The following FARS2 variants were observed in gnomAD, a reference collection of about 807,000 sequenced individuals.
FARS2 encodes phenylalanyl-tRNA synthetase 2, mitochondrial.
In FARS2, 40 loss-of-function variants were observed where a neutral mutation model predicts 46.4. The observed-to-expected ratio is 0.86, with a 90% CI of 0.67 to 1.12. The LOEUF is 1.12. Among genes scored for constraint, FARS2 ranks in the 50% most tolerant of loss-of-function variants. The pLI is 0.00. For missense variants in FARS2, 513 were observed against 567.9 expected, an observed-to-expected ratio of 0.90 and a Z score of 0.98; for synonymous variants, 234 against 214.9, an observed-to-expected ratio of 1.09 and a Z score of -0.78.
chr6:5,421,258 A>G (rs1471188965), intron 3 of FARS2, among the ~76,000 whole-genome samples: 1 of 152,136 alleles, frequency 6.6e-6, no homozygotes, highest in African/African-American at 2.4e-5. Flanking sequence ...TTTCAGCCAC[A>G]TAACAACTGG....
At chr6:5,351,715 AC>A (rs575325391) in intron 1 of FARS2, among the ~76,000 whole-genome samples, 6 of 152,342 alleles carry the variant, frequency 3.9e-5, no homozygotes, top group Admixed American at 1.3e-4. Context: ...CTACGTACAT[AC>A]AAAATAAAGA....
intron 6 of FARS2, among the ~76,000 whole-genome samples, chr6:5,620,666 C>G (rs927959352): frequency 7.9e-5 from 12 of 152,234 alleles, no homozygotes; most frequent in African/African-American, 2.4e-4. Context: ...CAGAATACCC[C>G]ACCTGGGCCC....
chr6:5,743,101 AG>A (rs1293965237), intron 6 of FARS2, among the ~76,000 whole-genome samples: 1 of 152,202 alleles, frequency 6.6e-6, no homozygotes, highest in Non-Finnish European at 1.5e-5. Flanking sequence ...GGCTATGTCC[AG>A]GTATTTGAAT....
At chr6:5,709,730 T>TCG (rs1554128003) in intron 6 of FARS2, among the ~76,000 whole-genome samples, 1 of 96,660 alleles carries the variant, frequency 1.0e-5, no homozygotes, top group East Asian at 3.1e-4. Flanking sequence ...GGGGGTGGGG[T>TCG]TGTGTGTGTG....
intron 4 of FARS2, among the ~76,000 whole-genome samples, chr6:5,459,833 T>C (rs1265778730): frequency 6.6e-6 from 1 of 152,192 alleles, no homozygotes; most frequent in African/African-American, 2.4e-5. Flanking sequence ...GTTTCAACTG[T>C]TTGACATCTG....
intron 6 of FARS2, among the ~76,000 whole-genome samples, chr6:5,737,866 G>A (rs951555307): frequency 6.6e-6 from 1 of 152,196 alleles, no homozygotes; most frequent in African/African-American, 2.4e-5. Flanking sequence ...AGGATGGTGG[G>A]ACAGAAAGAA....
intron 1 of FARS2, among the ~76,000 whole-genome samples, chr6:5,285,686 G>A (rs1000583362): frequency 5.3e-5 from 8 of 152,134 alleles, no homozygotes; most frequent in South Asian, 2.1e-4. Flanking sequence ...TAGAGAAGGC[G>A]TTCATATCTC....
intron 1 of FARS2, among the ~76,000 whole-genome samples, chr6:5,363,217 C>T (rs781255264): frequency 2.0e-5 from 3 of 151,904 alleles, no homozygotes; most frequent in Admixed American, 6.6e-5. Flanking sequence ...TGAGCCACCT[C>T]GCCCAGCCCC....
At position 5,476,725 on chromosome 6, in the gene FARS2, T is replaced by C. The variant is rs1218109793; in HGVS notation, c.904+45553T>C. Among the ~76,000 whole-genome samples, 3 of 152,246 alleles carry C rather than the reference T, an allele frequency of 2.0e-5. No homozygotes were observed. The East Asian group carries it at 5.8e-4, about 29-fold the overall frequency. On this transcript the variant is annotated intron_variant, in intron 4 of 6. Coordinates refer to ENST00000274680, the MANE Select transcript of FARS2 (RefSeq NM_006567.5). ...GTATTGAGAGCCTGCCCCTTGGTTG[T>C]TGCAGTGCAGTGGGGAAGGGCCAGA...
intron 6 of FARS2, chr6:5,695,312 G>A (rs6935719): frequency 0.4 from 60,314 of 152,180 alleles, 12,562 homozygotes; most frequent in East Asian, 0.68. Flanking sequence ...AGCATTTGTG[G>A]CAGTGCCACA....
intron 6 of FARS2, among the ~76,000 whole-genome samples, chr6:5,640,201 C>G (rs777625838): frequency 4.0e-5 from 6 of 151,800 alleles, no homozygotes; most frequent in Non-Finnish European, 8.8e-5. Context: ...TGGATGCACA[C>G]GTGTACACAC....
In FARS2 at chr6:5,545,229, G is replaced by T. The variant is rs764877564; in HGVS notation, c.954G>T (p.Arg318Ser). Reference protein sequence around the residue: ...IGWAFGLGLERLAMILYDIPD... With the variant: ...IGWAFGLGLESLAMILYDIPD... ...GGGCTTTTGGCCTAGGATTAGAAAGGCTAGCCATGATCCTCTACGACATCC... is the reference window on the plus strand; with the variant it reads ...GGGCTTTTGGCCTAGGATTAGAAAGTCTAGCCATGATCCTCTACGACATCC... The change falls in exon 5 of 7, where the codon AGG becomes AGT. Residue 318 changes from arginine (R) to serine (S), a missense_variant. Coordinates refer to ENST00000274680, the MANE Select transcript of FARS2 (RefSeq NM_006567.5). 6.2e-7 allele frequency: 1 copy of T among 1,614,016 alleles called. No homozygotes were observed. Among genetic ancestry groups the T allele is most frequent in the East Asian group, 2.2e-5 (1 of 44,876 alleles).
At chr6:5,407,130 C>A (rs1037708400) in intron 3 of FARS2, among the ~76,000 whole-genome samples, 1 of 145,046 alleles carries the variant, frequency 6.9e-6, no homozygotes, top group Non-Finnish European at 1.5e-5. Flanking sequence ...AACAAAACCA[C>A]AAAGAGCTTT....
chr6:5,713,409 G>T (rs755832298), intron 6 of FARS2, among the ~76,000 whole-genome samples: 2 of 152,160 alleles, frequency 1.3e-5, no homozygotes, highest in Non-Finnish European at 2.9e-5. Flanking sequence ...GTGAATTCTG[G>T]ATATTATCAC....
At chr6:5,307,150 T>G (rs1338589469) in intron 1 of FARS2, among the ~76,000 whole-genome samples, 1 of 152,234 alleles carries the variant, frequency 6.6e-6, no homozygotes, top group Non-Finnish European at 1.5e-5. Flanking sequence ...AGCTTCATTT[T>G]CCATTGAGGG....
At chr6:5,745,489 GTC>G (rs1392407886) in intron 6 of FARS2, among the ~76,000 whole-genome samples, 1 of 152,230 alleles carries the variant, frequency 6.6e-6, no homozygotes, top group Non-Finnish European at 1.5e-5. Context: ...TAATCAGAAG[GTC>G]TGTTTGCAGA....
rs575715769 is a variant in FARS2 at position 5,624,721 on chromosome 6, C to G, written c.1217+11401C>G. 5.3e-5 allele frequency among the ~76,000 whole-genome samples: 8 copies of G among 152,230 alleles called. No individual in the cohort carries two copies. In the East Asian group the frequency reaches 1.6e-3, roughly 30 times the overall value. On this transcript the variant is annotated intron_variant, in intron 6 of 6. Transcript: ENST00000274680. ...ATCCTTTGATGTTCCCTGCCCCACC[C>G]CCTCATGATTAGATTCAAGCAAGTT...
At chr6:5,621,820 C>A (rs571858106) in intron 6 of FARS2, among the ~76,000 whole-genome samples, 1 of 152,208 alleles carries the variant, frequency 6.6e-6, no homozygotes, top group Middle Eastern at 3.2e-3. Context: ...AACTGGAAAG[C>A]TCTTCAGAAC....
chr6:5,289,234 T>C (rs988968154), intron 1 of FARS2, among the ~76,000 whole-genome samples: 6 of 152,224 alleles, frequency 3.9e-5, no homozygotes, highest in Non-Finnish European at 7.3e-5. Flanking sequence ...TACTCTATGC[T>C]TTCTACCAGT....
Sources: allele counts gnomAD v4.1 joint callset (sites outside exome capture counted in the v4.1 genomes callset), GRCh38; gene constraint gnomAD v4.1.1; transcripts MANE v1.5; gene names NCBI Gene and HGNC (gene_info 2026-07-23, HGNC 2026-07-21).